The following SORBS2 variants were observed in gnomAD, a reference collection of about 807,000 sequenced individuals.
SORBS2 encodes sorbin and SH3 domain-containing protein 2.
A neutral mutation model predicts 97.7 loss-of-function variants in SORBS2; 46 were observed. That is an observed-to-expected ratio of 0.47 (90% CI 0.37 to 0.60). The LOEUF is 0.60. Ranked by LOEUF, SORBS2 falls within the 20% of genes least tolerant of loss-of-function variation. The pLI is 0.00. For synonymous variants in SORBS2, 476 were observed against 473.4 expected (o/e 1.01, Z -0.07); for missense variants, 1,316 against 1,282.3 (o/e 1.03, Z -0.40).
At chr4:185,817,320 T>A in intron 1 of SORBS2, among the ~76,000 whole-genome samples, 1 of 152,206 alleles carries the variant, frequency 6.6e-6, no homozygotes. Context: ...TACTCCTGGC[T>A]TTTATTAAAC....
chr4:185,696,381 TCTCAAAGTTGGTGAATCA>T (rs1226077633), intron 2 of SORBS2, among the ~76,000 whole-genome samples: 1 of 152,196 alleles, frequency 6.6e-6, no homozygotes, highest in African/African-American at 2.4e-5. Flanking sequence ...TATTCCAAGG[TCTCAAAGTTGGTGAATCA>T]CTCATTTCAC....
At chr4:185,688,505 AATAGATAG>A (rs35533883) in intron 2 of SORBS2, among the ~76,000 whole-genome samples, 2 of 127,680 alleles carry the variant, frequency 1.6e-5, no homozygotes, top group Admixed American at 7.8e-5. Flanking sequence ...TAGATAGATA[AATAGATAG>A]ATAGATAGAT....
At chr4:185,908,296 T>TATTTGTATACACACAA (rs2099252466) in intron 1 of SORBS2, among the ~76,000 whole-genome samples, 1 of 81,292 alleles carries the variant, frequency 1.2e-5, no homozygotes, top group Non-Finnish European at 2.6e-5. Context: ...TATATATATA[T>TATTTGTATACACACAA]ATATATATAT....
intron 2 of SORBS2, among the ~76,000 whole-genome samples, chr4:185,763,022 C>T (rs1355978665): frequency 6.6e-6 from 1 of 152,090 alleles, no homozygotes; most frequent in Non-Finnish European, 1.5e-5. Context: ...AATCCCATCT[C>T]TACTAAAAAT....
rs375251921 is a variant in SORBS2, at chr4:185,865,414, C to T, written c.-337-90048G>A. On this transcript the variant is annotated intron_variant, in intron 1 of 20. Transcript: ENST00000284776. Reference sequence around the variant, plus strand: ...ATTTAACTCTATTGGAAATCATCCTCCTGGTTGAAGTGTCATATGCAAACC... The same window carrying T: ...ATTTAACTCTATTGGAAATCATCCTTCTGGTTGAAGTGTCATATGCAAACC... Among the ~76,000 whole-genome samples, 93 of 152,334 alleles carry T rather than the reference C, an allele frequency of 6.1e-4. No individual in the cohort carries two copies. In the Middle Eastern group the frequency reaches 0.014, roughly 22 times the overall value.
intron 12 of SORBS2, among the ~76,000 whole-genome samples, chr4:185,599,743 A>C (rs1014264388): frequency 6.6e-6 from 1 of 152,218 alleles, no homozygotes; most frequent in African/African-American, 2.4e-5. Context: ...TAGAGTAGAG[A>C]ATCTGACCAT....
Position 185,607,186 on chromosome 4 carries a change from A to T in SORBS2, c.2796+4594T>A. ...AGCACCAAGCTTCTCCAATTCACCC[A>T]AGAAGTTGTCCAGGAAACGAGGTGG... is the stretch of plus-strand genomic sequence containing the variant. On this transcript the variant is annotated intron_variant, in intron 12 of 14. Coordinates refer to ENST00000418609, the Ensembl canonical transcript of SORBS2. This position sits in a 1 kb window ranked among gnomAD's most constrained non-coding sequence, Gnocchi z 5.2. 3.5e-6 allele frequency: 4 copies of T among 1,132,268 alleles called. No individual in the cohort carries two copies. The highest frequency in any genetic ancestry group is 4.4e-6 in the Non-Finnish European group (4 of 913,666). The allele number at this position is 1,132,268 out of a possible 1,614,324, so 70.1% of individuals were successfully genotyped here. A position where few individuals can be genotyped will look rare whatever the true frequency, so the allele number is the denominator to read the frequency against.
chr4:185,682,781 C>T lies in SORBS2; in HGVS notation c.-197-3959G>A, dbSNP rs575870266. On this transcript the variant is annotated intron_variant, in intron 2 of 20. Transcript: ENST00000284776. ...ATCCCAGCACTTTCGGAGGCTGAGG[C>T]GGGCGGATCACTTGAGGTCAGGAGT... Among the ~76,000 whole-genome samples, 7 of 152,018 alleles carry T rather than the reference C, an allele frequency of 4.6e-5. 1 individual carries two copies. In the East Asian group the frequency reaches 5.8e-4, roughly 13 times the overall value.
chr4:185,954,980 G>C (rs1212353839), intron 1 of SORBS2, among the ~76,000 whole-genome samples: 1 of 151,940 alleles, frequency 6.6e-6, no homozygotes, highest in African/African-American at 2.4e-5. Flanking sequence ...CAAAAAAACA[G>C]TACCACCGGG....
chr4:185,713,591 G>A (rs2098442337), intron 2 of SORBS2, among the ~76,000 whole-genome samples: 2 of 152,200 alleles, frequency 1.3e-5, no homozygotes, highest in South Asian at 2.1e-4. Flanking sequence ...AGTATTACAA[G>A]TTGCTGAAAA....
chr4:185,707,807 C>A (rs949309316), intron 2 of SORBS2, among the ~76,000 whole-genome samples: 1 of 152,124 alleles, frequency 6.6e-6, no homozygotes, highest in Non-Finnish European at 1.5e-5. Flanking sequence ...ACCATCAGAT[C>A]TCATGAGACT....
chr4:185,902,862 C>T (rs1353242864), intron 1 of SORBS2, among the ~76,000 whole-genome samples: 1 of 152,160 alleles, frequency 6.6e-6, no homozygotes, highest in Admixed American at 6.6e-5. Flanking sequence ...ATCCAATATT[C>T]CCAACCGTGA....
chr4:185,591,917 AAAAC>A (rs1219839916), intron 13 of SORBS2: 12 of 152,240 alleles, frequency 7.9e-5, no homozygotes, highest in Admixed American at 5.2e-4. Flanking sequence ...CACAGAAACA[AAAAC>A]AAAACAAAAG....
intron 12 of SORBS2, among the ~76,000 whole-genome samples, chr4:185,599,481 A>G (rs1311679935): frequency 6.6e-6 from 1 of 152,224 alleles, no homozygotes; most frequent in African/African-American, 2.4e-5. Flanking sequence ...CAGTATGGGG[A>G]CAAAAGGCAG....
At chr4:185,652,787 A>C in intron 1 of SORBS2, 59 bp from the exon 10 acceptor site, 1 of 1,209,854 alleles carries the variant, frequency 8.3e-7, no homozygotes, top group Non-Finnish European at 1.2e-6. Context: ...ATCGCTTCTC[A>C]GTGTTTTCAT....
At chr4:185,887,948 T>C (rs973320858) in intron 1 of SORBS2, among the ~76,000 whole-genome samples, 2 of 134,292 alleles carry the variant, frequency 1.5e-5, no homozygotes, top group Admixed American at 1.5e-4. Flanking sequence ...GATTCTCACA[T>C]AGTATATATA....
At chr4:185,820,402 T>C (rs1310244351) in intron 1 of SORBS2, among the ~76,000 whole-genome samples, 1 of 152,208 alleles carries the variant, frequency 6.6e-6, no homozygotes, top group Non-Finnish European at 1.5e-5. Context: ...CAGTTTCCTA[T>C]TCTCTCGGCA....
chr4:185,905,114 AGAAAG>A (rs1484299826), intron 1 of SORBS2, among the ~76,000 whole-genome samples: 1 of 150,810 alleles, frequency 6.6e-6, no homozygotes, highest in Non-Finnish European at 1.5e-5. Context: ...AAAAAAAAAA[AGAAAG>A]AAAGAAAGAA....
chr4:185,654,807 C>CA (rs111693076), intron 1 of SORBS2, among the ~76,000 whole-genome samples: 43,447 of 117,896 alleles, frequency 0.37, 7,031 homozygotes, highest in East Asian at 0.5. Flanking sequence ...TTCACTATGC[C>CA]GTTTTTTCTA....
Sources: gnomAD v4.1 joint callset for allele counts (sites outside exome capture counted in the v4.1 genomes callset) on GRCh38, gnomAD v4.1.1 for gene constraint, Gnocchi (gnomAD v3.1) non-coding constraint, MANE v1.5 for transcripts, NCBI Gene and HGNC (gene_info 2026-07-23, HGNC 2026-07-21) for gene names.